The following KIAA0825 variants were observed in gnomAD, a reference collection of about 807,000 sequenced individuals.
KIAA0825 encodes the protein uncharacterized protein KIAA0825.
A neutral mutation model predicts 147.6 loss-of-function variants in KIAA0825; 119 were observed. That is an observed-to-expected ratio of 0.81 (90% confidence interval 0.69 to 0.94). The LOEUF is 0.94. Among genes scored for constraint, KIAA0825 ranks in the 40% least tolerant of loss-of-function variants. The pLI, the probability that KIAA0825 is intolerant of heterozygous loss-of-function variation, is 0.00. For missense variants in KIAA0825, 1,381 were observed against 1,472.7 expected, an observed-to-expected ratio of 0.94 and a Z score of 1.02; for synonymous variants, 470 against 518.1, an observed-to-expected ratio of 0.91 and a Z score of 1.26.
chr5:94,376,773 G>C, intron 20 of KIAA0825, among the ~76,000 whole-genome samples: 1 of 152,108 alleles, frequency 6.6e-6, no homozygotes, highest in East Asian at 1.9e-4. Flanking sequence ...TAGGGAACAG[G>C]AGCATGAAAA....
intron 6 of KIAA0825, among the ~76,000 whole-genome samples, chr5:94,482,517 A>G (rs1347181613): frequency 6.6e-6 from 1 of 152,086 alleles, no homozygotes; most frequent in African/African-American, 2.4e-5. Context: ...ATTTCTAAGC[A>G]AAACATTAAC....
At chr5:94,506,529 T>A (rs1765758732) in intron 5 of KIAA0825, among the ~76,000 whole-genome samples, 1 of 152,208 alleles carries the variant, frequency 6.6e-6, no homozygotes, top group South Asian at 2.1e-4. Flanking sequence ...ATTATTTAAA[T>A]TTGTAGAGAG....
At chr5:94,321,466 T>C (rs1780193202) in intron 20 of KIAA0825, among the ~76,000 whole-genome samples, 1 of 152,068 alleles carries the variant, frequency 6.6e-6, no homozygotes, top group South Asian at 2.1e-4. Context: ...ATTTTACATA[T>C]AAGAAAAGTG....
At chr5:94,271,290 T>C (rs750275843) in intron 20 of KIAA0825, among the ~76,000 whole-genome samples, 11 of 152,064 alleles carry the variant, frequency 7.2e-5, no homozygotes, top group Non-Finnish European at 1.6e-4. Flanking sequence ...TTAAAAGTCT[T>C]CTGCACAGCA....
At chr5:94,498,919 A>G (rs111442681) in intron 5 of KIAA0825, among the ~76,000 whole-genome samples, 22 of 152,308 alleles carry the variant, frequency 1.4e-4, no homozygotes, top group African/African-American at 4.3e-4. Flanking sequence ...CTGAATTCCT[A>G]ATGTGTTTAA....
intron 20 of KIAA0825, among the ~76,000 whole-genome samples, chr5:94,195,017 G>A (rs564072557): frequency 1.9e-4 from 29 of 152,226 alleles, no homozygotes; most frequent in African/African-American, 5.8e-4. Flanking sequence ...TAGAGATAAC[G>A]GTGCTGAGTT....
intron 2 of KIAA0825, chr5:94,569,035 G>GC (rs1324944710): frequency 4.1e-5 from 7 of 169,250 alleles, no homozygotes; most frequent in Non-Finnish European, 6.3e-5. Flanking sequence ...ATCGTATAAA[G>GC]CCCCCGCACC....
intron 13 of KIAA0825, among the ~76,000 whole-genome samples, chr5:94,442,177 C>G (rs2150851550): frequency 6.6e-6 from 1 of 152,240 alleles, no homozygotes; most frequent in South Asian, 2.1e-4. Context: ...TGAGAAGATT[C>G]AAAGACACAA....
chr5:94,358,078 G>A (rs1358107770), intron 20 of KIAA0825, among the ~76,000 whole-genome samples: 7 of 152,130 alleles, frequency 4.6e-5, no homozygotes, highest in Admixed American at 3.3e-4. Flanking sequence ...TAACGAGATC[G>A]TCATTTAGTT....
At chr5:94,461,200 T>TG (rs1759782299) in intron 12 of KIAA0825, among the ~76,000 whole-genome samples, 1 of 151,966 alleles carries the variant, frequency 6.6e-6, no homozygotes, top group Non-Finnish European at 1.5e-5. Flanking sequence ...ACAAATGCAT[T>TG]GGGGGGCTAA....
chr5:94,542,291 A>G (rs1441486916), intron 2 of KIAA0825, among the ~76,000 whole-genome samples: 3 of 152,204 alleles, frequency 2.0e-5, no homozygotes, highest in Admixed American at 1.3e-4. Flanking sequence ...AATCTTTTTA[A>G]CATTTGGCTT....
chr5:94,466,903 ATAAATT>A (rs1760615920), intron 10 of KIAA0825, among the ~76,000 whole-genome samples: 1 of 152,162 alleles, frequency 6.6e-6, no homozygotes, highest in African/African-American at 2.4e-5. Context: ...TGTGTTGCAT[ATAAATT>A]TAAGCAAAAC....
rs780450738 is a variant in KIAA0825 at position 94,396,114 on chromosome 5, G to A, written c.3283C>T (p.Leu1095=). Residue 1095 remains leucine, a synonymous_variant, in exon 17 of 21, where the codon CTG becomes TTG. Transcript: ENST00000682413. The part of the protein sequence containing the change: ...IERQLLKARK[L]STECAFMTIE... Reference sequence around the variant, plus strand: ...ACATCACTTTACCATTCAGTGCTCAGTTTCCTTGCTTTCAACAATTGACGT... The same window carrying A: ...ACATCACTTTACCATTCAGTGCTCAATTTCCTTGCTTTCAACAATTGACGT... The A allele has an allele frequency of 2.3e-5, 34 of 1,486,696 alleles. 1 individual carries two copies. In the South Asian group the frequency reaches 4.7e-4, roughly 20 times the overall value. The allele number at this position is 1,486,696 out of a possible 1,614,324, so 92.1% of individuals were successfully genotyped here. A position where few individuals can be genotyped will look rare whatever the true frequency, so the allele number is the denominator to read the frequency against.
intron 1 of KIAA0825, chr5:94,593,616 C>T: frequency 8.1e-6 from 4 of 492,410 alleles, no homozygotes; most frequent in Non-Finnish European, 7.7e-6. Flanking sequence ...AGGAGCTAAC[C>T]AACGAGTAAG....
rs76453584 is a variant in KIAA0825 at position 94,394,756 on chromosome 5, G to A, written c.3296+1345C>T. On this transcript the variant is annotated intron_variant, in intron 17 of 20. Coordinates refer to ENST00000682413, the MANE Select transcript of KIAA0825 (RefSeq NM_001145678.3). ...AATGACATCAGGCCTTAATTTTTTA[G>A]TCATTGGATTAAAGCCTGTAAATTA... Among the ~76,000 whole-genome samples, 788 of 152,146 alleles carry A rather than the reference G, an allele frequency of 5.2e-3. 10 individuals carry two copies. The highest frequency in any genetic ancestry group is 0.018 in the African/African-American group (741 of 41,488).
chr5:94,158,711 G>C (rs1767271501), intron 20 of KIAA0825, among the ~76,000 whole-genome samples: 1 of 152,120 alleles, frequency 6.6e-6, no homozygotes, highest in African/African-American at 2.4e-5. Flanking sequence ...AGAAGTTAGG[G>C]TGCTGGATTT....
chr5:94,414,678 A>T (rs1455487559), intron 15 of KIAA0825: 1 of 152,216 alleles, frequency 6.6e-6, no homozygotes, highest in African/African-American at 2.4e-5. Context: ...AATAGAAAAA[A>T]ATGAGAAATA....
chr5:94,302,032 G>A (rs1778437555), intron 20 of KIAA0825, among the ~76,000 whole-genome samples: 1 of 152,098 alleles, frequency 6.6e-6, no homozygotes, highest in Non-Finnish European at 1.5e-5. Context: ...AAAGGTGATT[G>A]TTCATTTTAT....
intron 20 of KIAA0825, among the ~76,000 whole-genome samples, chr5:94,270,360 A>G (rs1776930214): frequency 6.6e-6 from 1 of 152,170 alleles, no homozygotes; most frequent in Non-Finnish European, 1.5e-5. Flanking sequence ...AGTCTCTTCA[A>G]TAAATGTTAC....
Sources: allele counts gnomAD v4.1 joint callset (sites outside exome capture counted in the v4.1 genomes callset), GRCh38; gene constraint gnomAD v4.1.1; transcripts MANE v1.5; gene names NCBI Gene and HGNC (gene_info 2026-07-23, HGNC 2026-07-21).